Variants in C1QTNF3 observed in about 807,000 individuals in gnomAD.
C1QTNF3 encodes the protein C1q and TNF related 3, also known as complement C1q tumor necrosis factor-related protein 3.
In C1QTNF3, 26 loss-of-function variants were observed where a neutral mutation model predicts 32.6. The ratio of observed to expected loss-of-function variants is 0.80; its 90% CI spans 0.58 to 1.11. C1QTNF3 has a LOEUF of 1.11. Among genes scored for constraint, C1QTNF3 ranks in the 50% least tolerant of loss-of-function variants. The pLI, the probability that C1QTNF3 is intolerant of heterozygous loss-of-function variation, is 0.00. For missense variants in C1QTNF3, 362 were observed against 398.2 expected, an observed-to-expected ratio of 0.91 and a Z score of 0.77; for synonymous variants, 155 against 146.0, an observed-to-expected ratio of 1.06 and a Z score of -0.44.
At chr5:34,220,575 G>A in the C1QTNF3 span, among the ~76,000 whole-genome samples, 4 of 151,772 alleles carry the variant, frequency 2.6e-5, no homozygotes, top group Non-Finnish European at 5.9e-5. Context: ...TTGCTCTAGG[G>A]AAGGAACATA....
the C1QTNF3 span, among the ~76,000 whole-genome samples, chr5:34,066,931 C>T: frequency 6.6e-6 from 1 of 152,056 alleles, no homozygotes; most frequent in East Asian, 1.9e-4. Context: ...AAACTGAATG[C>T]TTTTAACAGC....
At chr5:34,050,886 C>T in the C1QTNF3 span, among the ~76,000 whole-genome samples, 1 of 152,194 alleles carries the variant, frequency 6.6e-6, no homozygotes, top group South Asian at 2.1e-4. Flanking sequence ...TTTGCATAGA[C>T]CTGCCCAGCA....
chr5:34,052,610 G>A, the C1QTNF3 span, among the ~76,000 whole-genome samples: 1 of 152,188 alleles, frequency 6.6e-6, no homozygotes, highest in Non-Finnish European at 1.5e-5. Flanking sequence ...TCATTAGTAG[G>A]ATGAGGCTCA....
At chr5:34,170,264 G>C in the C1QTNF3 span, among the ~76,000 whole-genome samples, 1 of 152,144 alleles carries the variant, frequency 6.6e-6, no homozygotes, top group Non-Finnish European at 1.5e-5. Flanking sequence ...GACCACAGTG[G>C]TTTCCAAAGG....
chr5:34,164,170 G>A, the C1QTNF3 span, among the ~76,000 whole-genome samples: 1 of 152,126 alleles, frequency 6.6e-6, no homozygotes, highest in Non-Finnish European at 1.5e-5. Context: ...TTGGCAGGTG[G>A]TTAAAGAAAT....
chr5:34,073,417 G>T, the C1QTNF3 span, among the ~76,000 whole-genome samples: 2,332 of 152,146 alleles, frequency 0.015, 52 homozygotes, highest in African/African-American at 0.053. Context: ...TAAATTTTGG[G>T]TTAAACAGCC....
At chr5:34,022,286 G>C (rs536872166) in intron 5 of C1QTNF3, among the ~76,000 whole-genome samples, 1 of 152,356 alleles carries the variant, frequency 6.6e-6, no homozygotes, top group Admixed American at 6.5e-5. Context: ...GACTCCAGAG[G>C]CTTGGGCTGT....
chr5:34,228,241 C>A, the C1QTNF3 span, among the ~76,000 whole-genome samples: 1 of 151,756 alleles, frequency 6.6e-6, no homozygotes, highest in East Asian at 1.9e-4. Context: ...ACAGCTAAAC[C>A]AAGTGTCTAG....
the C1QTNF3 span, among the ~76,000 whole-genome samples, chr5:34,178,111 A>C: frequency 6.8e-6 from 1 of 146,054 alleles, no homozygotes; most frequent in Non-Finnish European, 1.5e-5. Context: ...TACTAAAAAA[A>C]AAAAAAAAAA....
the C1QTNF3 span, among the ~76,000 whole-genome samples, chr5:34,119,974 T>A: frequency 6.6e-6 from 1 of 152,194 alleles, no homozygotes; most frequent in African/African-American, 2.4e-5. Context: ...GGGGGCCTCT[T>A]ATTTTGCTTA....
chr5:34,195,720 G>T, the C1QTNF3 span, among the ~76,000 whole-genome samples: 1 of 151,400 alleles, frequency 6.6e-6, no homozygotes, highest in African/African-American at 2.4e-5. Context: ...GGGCGCCTTA[G>T]TCCCAGCTAC....
At chr5:34,045,240 G>A (rs1754968259), upstream of C1QTNF3, among the ~76,000 whole-genome samples, 1 of 152,216 alleles carries the variant, frequency 6.6e-6, no homozygotes, top group Non-Finnish European at 1.5e-5. Flanking sequence ...CTACCGCATT[G>A]AGACTTTCCA....
chr5:34,092,342 T>G, the C1QTNF3 span, among the ~76,000 whole-genome samples: 10 of 151,854 alleles, frequency 6.6e-5, no homozygotes, highest in Non-Finnish European at 1.3e-4. Flanking sequence ...TACTCAAATT[T>G]TACATTTATA....
At chr5:34,111,765 T>C in the C1QTNF3 span, among the ~76,000 whole-genome samples, 1 of 152,254 alleles carries the variant, frequency 6.6e-6, no homozygotes, top group Non-Finnish European at 1.5e-5. Flanking sequence ...TTGTTATCCA[T>C]GATACACAGC....
chr5:34,120,678 T>C, the C1QTNF3 span, among the ~76,000 whole-genome samples: 1 of 152,188 alleles, frequency 6.6e-6, no homozygotes, highest in Non-Finnish European at 1.5e-5. Flanking sequence ...TAAAGAGGTG[T>C]TTCCGTGAAC....
the C1QTNF3 span, among the ~76,000 whole-genome samples, chr5:34,125,762 G>A: frequency 6.6e-6 from 1 of 152,130 alleles, no homozygotes; most frequent in Non-Finnish European, 1.5e-5. Context: ...AGAGATATAT[G>A]CATTTCATAT....
chr5:34,114,090 GCT>G, the C1QTNF3 span, among the ~76,000 whole-genome samples: 1 of 152,214 alleles, frequency 6.6e-6, no homozygotes, highest in South Asian at 2.1e-4. Context: ...AAAGTGAATA[GCT>G]CTGTTAGGCA....
chr5:34,060,458 A>G, the C1QTNF3 span, among the ~76,000 whole-genome samples: 1 of 152,172 alleles, frequency 6.6e-6, no homozygotes, highest in Admixed American at 6.5e-5. Flanking sequence ...AAGGCAGAGT[A>G]AAAATTTGTT....
chr5:34,028,110 C>T (rs1465294966), intron 4 of C1QTNF3, among the ~76,000 whole-genome samples: 1 of 152,088 alleles, frequency 6.6e-6, no homozygotes, highest in Non-Finnish European at 1.5e-5. Context: ...GTAGCTGGGA[C>T]TACAGGCGCC....
Sources: gnomAD v4.1 joint callset for allele counts (sites outside exome capture counted in the v4.1 genomes callset) on GRCh38, gnomAD v4.1.1 for gene constraint, MANE v1.5 for transcripts, NCBI Gene and HGNC (gene_info 2026-07-23, HGNC 2026-07-21) for gene names.